The following TLN2 variants were observed in gnomAD, a reference collection of about 807,000 sequenced individuals.
The protein encoded by TLN2 is talin-2.
Under a neutral mutation model 294.7 loss-of-function variants are expected in TLN2, and 118 were observed. That is an observed-to-expected ratio of 0.40 (90% confidence interval 0.34 to 0.47). TLN2 has a LOEUF of 0.47. Among genes scored for constraint, TLN2 ranks in the 20% least tolerant of loss-of-function variants. The probability of loss-of-function intolerance (pLI) is 0.84; values close to 1 mark genes in which losing one functional copy is unlikely to be tolerated. For synonymous variants in TLN2, 1,431 were observed against 1,304.5 expected (o/e 1.10, Z -2.09); for missense variants, 3,083 against 3,282.2 (o/e 0.94, Z 1.48).
chr15:62,621,154 T>C (rs1596368730), intron 3 of TLN2, among the ~76,000 whole-genome samples: 1 of 152,176 alleles, frequency 6.6e-6, no homozygotes. Context: ...CTGCTTCTTA[T>C]ATAGCACCTT....
chr15:62,782,287 G>GT (rs2064244508), intron 44 of TLN2, among the ~76,000 whole-genome samples: 2 of 152,212 alleles, frequency 1.3e-5, no homozygotes, highest in Non-Finnish European at 2.9e-5. Context: ...AATTCGGGCT[G>GT]GGGAATGGTA....
intron 1 of TLN2, among the ~76,000 whole-genome samples, chr15:62,459,019 G>A (rs1231411330): frequency 6.7e-6 from 1 of 149,600 alleles, no homozygotes; most frequent in African/African-American, 2.5e-5. Flanking sequence ...TTCTTTTTTT[G>A]GAGACAGAGT....
rs759051721 is a variant in TLN2 at position 62,761,769 on chromosome 15, C to T, written c.4727C>T (p.Ala1576Val). Residue 1576 changes from alanine (A) to valine (V), a missense_variant, in exon 38 of 59, where the codon GCG (alanine) becomes GTG (valine). Ala to Val is a moderately conservative substitution (Grantham distance 64, BLOSUM62 0). Coordinates refer to ENST00000636159, the MANE Select transcript of TLN2 (RefSeq NM_015059.3). ...PLIEAVENLT[A>V]FASNPEFVSI... ...ATTGAAGCTGTGGAGAACCTGACAG[C>T]GTTCGCCTCAAACCCTGAGTTTGTC... 24 of 1,614,016 alleles carry T rather than the reference C, an allele frequency of 1.5e-5. No homozygotes were observed. The East Asian group carries it at 2.7e-4, about 18-fold the overall frequency.
rs377030304 is a variant in TLN2, at chr15:62,833,939, A to G, written c.7128+310A>G. On this transcript the variant is annotated intron_variant, in intron 55 of 58. Transcript: ENST00000636159. ...AGGCTACGTAAAGATGTAAACTGTCATATTTTCCTGGTGGGCCGCTCTAGA... is the reference window on the plus strand; with the variant it reads ...AGGCTACGTAAAGATGTAAACTGTCGTATTTTCCTGGTGGGCCGCTCTAGA... 3.7e-5 allele frequency: 8 copies of G among 219,154 alleles called. No individual in the cohort carries two copies. In the South Asian group the frequency reaches 1.3e-3, roughly 36 times the overall value. The allele number at this position is 219,154 out of a possible 1,614,324, so 13.6% of individuals were successfully genotyped here.
Position 62,836,070 on chromosome 15 carries a change from A to G in TLN2, c.7371A>G (p.Leu2457=). The change falls in exon 57 of 59, where the codon CTA becomes CTG. Residue 2457 remains leucine, a synonymous_variant. Transcript: ENST00000636159. ...AGGATTCAGAGGCCATGAGGCGGCT[A>G]CAGGTAATGGTCACTGATGCTGGTG... ...ADQDSEAMRR[L]QAAGNAVKRA... 2 of 1,608,298 alleles carry G rather than the reference A, an allele frequency of 1.2e-6. No homozygotes were observed. Among genetic ancestry groups the G allele is most frequent in the East Asian group, 2.2e-5 (1 of 44,712 alleles).
At chr15:62,792,989 T>G (rs2065185129) in intron 46 of TLN2, among the ~76,000 whole-genome samples, 1 of 152,176 alleles carries the variant, frequency 6.6e-6, no homozygotes, top group African/African-American at 2.4e-5. Flanking sequence ...CCAGAGAATT[T>G]GAGGGCTTAG....
At chr15:62,417,468 T>C (rs1022425294) in intron 1 of TLN2, among the ~76,000 whole-genome samples, 5 of 152,220 alleles carry the variant, frequency 3.3e-5, no homozygotes, top group South Asian at 2.1e-4. Context: ...TTAAGGACTT[T>C]CCAAGAAACT....
At chr15:62,487,921 T>G (rs559725869) in intron 1 of TLN2, among the ~76,000 whole-genome samples, 1 of 148,294 alleles carries the variant, frequency 6.7e-6, no homozygotes, top group Non-Finnish European at 1.5e-5. Context: ...AATAAATAAA[T>G]AAATAAAATT....
intron 1 of TLN2, among the ~76,000 whole-genome samples, chr15:62,434,484 C>A (rs547443398): frequency 6.6e-6 from 1 of 151,978 alleles, no homozygotes; most frequent in African/African-American, 2.4e-5. Flanking sequence ...CTTGTGCATG[C>A]GCGCGCTCTT....
At chr15:62,504,129 A>G (rs1233969569) in intron 1 of TLN2, among the ~76,000 whole-genome samples, 2 of 152,236 alleles carry the variant, frequency 1.3e-5, no homozygotes, top group East Asian at 1.9e-4. Context: ...ACACACAGGT[A>G]GTAGCTCTAG....
At chr15:62,723,538 CTTTTT>C (rs555674609) in intron 26 of TLN2, among the ~76,000 whole-genome samples, 3 of 107,220 alleles carry the variant, frequency 2.8e-5, no homozygotes, top group Non-Finnish European at 5.2e-5. Context: ...ACTGTGAAAA[CTTTTT>C]TTTTTTTTTT....
chr15:62,820,224 G>C (rs560735903), intron 53 of TLN2, among the ~76,000 whole-genome samples: 1 of 152,158 alleles, frequency 6.6e-6, no homozygotes, highest in Non-Finnish European at 1.5e-5. Context: ...GCCTTGGTCC[G>C]TGAGATCATT....
At position 62,820,489 on chromosome 15, in the gene TLN2, CAG is replaced by C. The variant is rs761997551; in HGVS notation, c.6884_6885del (p.Glu2295ValfsTer27). The C allele has an allele frequency of 6.2e-7, 1 of 1,613,850 alleles. No individual in the cohort carries two copies. Among genetic ancestry groups the C allele is most frequent in the Non-Finnish European group, 8.5e-7 (1 of 1,179,894 alleles). ...CCTTCTTTTGGACTGATTCTAGGAACAGAGTGGGTGGATCCAGAAGACCCAAC... is the reference window on the plus strand; with the variant it reads ...CCTTCTTTTGGACTGATTCTAGGAACAGTGGGTGGATCCAGAAGACCCAAC... On this transcript the variant is annotated frameshift_variant, in exon 54 of 59. Transcript: ENST00000636159. LOFTEE classifies it high-confidence loss of function.
intron 37 of TLN2, among the ~76,000 whole-genome samples, chr15:62,757,303 G>A (rs568250154): frequency 3.6e-4 from 55 of 152,268 alleles, no homozygotes; most frequent in African/African-American, 1.2e-3. Flanking sequence ...TCTCCAGCCT[G>A]GGAAGAAAGA....
intron 51 of TLN2, among the ~76,000 whole-genome samples, chr15:62,806,296 T>C (rs555104856): frequency 9.8e-5 from 15 of 152,338 alleles, no homozygotes; most frequent in African/African-American, 3.4e-4. Flanking sequence ...TCAGCCTTGC[T>C]GGCCCTAATC....
At position 62,644,150 on chromosome 15, in the gene TLN2, C is replaced by T. The variant is rs547379705; in HGVS notation, c.-36-3125C>T. On this transcript the variant is annotated intron_variant, in intron 3 of 58. Coordinates refer to ENST00000636159, the MANE Select transcript of TLN2 (RefSeq NM_015059.3). ...ACCTGCTACTCCAGGCTCTCCCCCG[C>T]GCCACCCACCGCCCCGCCCCCATCC... 4.7e-4 allele frequency among the ~76,000 whole-genome samples: 70 copies of T among 150,536 alleles called. 1 individual carries two copies. The highest frequency in any genetic ancestry group is 1.6e-3 in the African/African-American group (64 of 40,884).
At chr15:62,461,139 G>A (rs2036779292) in intron 1 of TLN2, among the ~76,000 whole-genome samples, 2 of 152,008 alleles carry the variant, frequency 1.3e-5, no homozygotes, top group East Asian at 1.9e-4. Flanking sequence ...TAGTAGAGAC[G>A]GGGTTTCACC....
At chr15:62,840,389 C>A in intron 58 of TLN2, 93 bp from the exon 59 acceptor site, 1 of 1,517,974 alleles carries the variant, frequency 6.6e-7, no homozygotes, top group South Asian at 1.3e-5. Context: ...GTCCCACGGT[C>A]GCGGGAGCCG....
At position 62,628,334 on chromosome 15, in the gene TLN2, G is replaced by T. The variant is rs556388908; in HGVS notation, c.-37+9859G>T. On this transcript the variant is annotated intron_variant, in intron 3 of 58. Coordinates refer to ENST00000636159, the MANE Select transcript of TLN2 (RefSeq NM_015059.3). ...TAAAGCAGCAGATTCAGATTTCACG[G>T]TGTAGGCATCCCAGGGTGACTTGCA... 3.3e-5 allele frequency among the ~76,000 whole-genome samples: 5 copies of T among 152,348 alleles called. No individual in the cohort carries two copies. In the South Asian group the frequency reaches 1.0e-3, roughly 32 times the overall value.
Sources: allele counts gnomAD v4.1 joint callset (sites outside exome capture counted in the v4.1 genomes callset), GRCh38; gene constraint gnomAD v4.1.1; transcripts MANE v1.5; gene names NCBI Gene and HGNC (gene_info 2026-07-23, HGNC 2026-07-21).